Variants in HEATR4 observed in about 807,000 individuals in gnomAD.
HEATR4 encodes the protein HEAT repeat-containing protein 4.
HEATR4 carries 95 observed loss-of-function variants against 108.8 expected under a neutral mutation model. That is an observed-to-expected ratio of 0.87 (90% confidence interval 0.74 to 1.04). The LOEUF (loss-of-function observed/expected upper bound fraction) is 1.04, where lower values mean the gene tolerates loss of function less well. Among genes scored for constraint, HEATR4 ranks in the 50% least tolerant of loss-of-function variants. HEATR4 has a pLI of 0.00. For missense variants in HEATR4, 1,152 were observed against 1,253.8 expected (o/e 0.92, Z 1.23); for synonymous variants, 443 against 459.4 (o/e 0.96, Z 0.46).
chr14:73,588,349 G>A, the HEATR4 span, among the ~76,000 whole-genome samples: 1 of 151,980 alleles, frequency 6.6e-6, no homozygotes, highest in Non-Finnish European at 1.5e-5. Context: ...ATTTCAAAAA[G>A]CCATCAGTAC....
Position 73,519,169 on chromosome 14 carries a change from A to G in HEATR4, c.1070-6T>C. On this transcript the variant is annotated splice_polypyrimidine_tract_variant and splice_region_variant and intron_variant, in intron 4 of 17. Transcript: ENST00000553558. ...GTGGATGATCTGGACTTCATCTGTG[A>G]ACAGACAAAGAAACAATGAGTCCCC... The G allele has an allele frequency of 6.2e-7, 1 of 1,609,720 alleles. No individual in the cohort carries two copies. Among genetic ancestry groups the G allele is most frequent in the Non-Finnish European group, 8.5e-7 (1 of 1,177,790 alleles).
chr14:73,600,877 G>A, the HEATR4 span, among the ~76,000 whole-genome samples: 26 of 152,214 alleles, frequency 1.7e-4, no homozygotes, highest in East Asian at 5.8e-4. Context: ...GCTGGCTCAC[G>A]CCTGTAGTCC....
At chr14:73,589,939 C>T in the HEATR4 span, among the ~76,000 whole-genome samples, 1 of 152,112 alleles carries the variant, frequency 6.6e-6, no homozygotes, top group Non-Finnish European at 1.5e-5. Context: ...GTTGTTCGTT[C>T]CTCCTGGTGA....
At chr14:73,613,776 A>G in the HEATR4 span, among the ~76,000 whole-genome samples, 1 of 152,196 alleles carries the variant, frequency 6.6e-6, no homozygotes, top group African/African-American at 2.4e-5. Context: ...TGTCTGTACT[A>G]CTGAGGTTGA....
At chr14:73,619,606 C>T in the HEATR4 span, 1 of 1,614,192 alleles carries the variant, frequency 6.2e-7, no homozygotes, top group Non-Finnish European at 8.5e-7. Flanking sequence ...GCTACAAGCT[C>T]ATGGGAAAGA....
intron 4 of HEATR4, 55 bp downstream of exon 4, chr14:73,520,797 A>T: frequency 1.3e-6 from 2 of 1,505,044 alleles, no homozygotes; most frequent in Non-Finnish European, 1.8e-6. Flanking sequence ...GCAATCTTCC[A>T]CCTTCCTGGC....
rs1273355680 is a variant in HEATR4 at position 73,544,753 on chromosome 14, A to G, written c.-152+13998T>C. Among the ~76,000 whole-genome samples the G allele has an allele frequency of 1.8e-5, 2 of 113,786 alleles. 1 individual carries two copies. The highest frequency in any genetic ancestry group is 5.7e-5 in the African/African-American group (2 of 35,060). 74.6% of individuals were successfully genotyped at this position (113,786 alleles called of 152,430 possible). On this transcript the variant is annotated intron_variant, in intron 1 of 17. Coordinates refer to ENST00000553558, the MANE Select transcript of HEATR4 (RefSeq NM_001220484.1). Reference sequence around the variant, plus strand: ...GGAGTTCAAGACAAGCCTGGGCAACATGGCAAAACCCCGTCTCTACAAACA... The same window carrying G: ...GGAGTTCAAGACAAGCCTGGGCAACGTGGCAAAACCCCGTCTCTACAAACA...
chr14:73,543,015 C>T lies in HEATR4; in HGVS notation c.-151-12771G>A, dbSNP rs753812124. 1.9e-4 allele frequency: 233 copies of T among 1,240,876 alleles called. 62 individuals carry two copies. Among genetic ancestry groups the T allele is most frequent in the South Asian group, 1.4e-3 (104 of 72,374 alleles). The allele number at this position is 1,240,876 out of a possible 1,614,324, so 76.9% of individuals were successfully genotyped here. On this transcript the variant is annotated intron_variant, in intron 1 of 17. Transcript: ENST00000553558. ...TCACCATATTCCACTGTTTGTGGAG[C>T]CATTCTTCTTCTTTTTCCTTTGTCC...
intron 2 of HEATR4, among the ~76,000 whole-genome samples, chr14:73,524,310 A>AAAAAAAAAAAAATATATATAT: frequency 9.1e-5 from 5 of 54,780 alleles, no homozygotes; most frequent in African/African-American, 4.4e-4. Flanking sequence ...AAAAAAAAAA[A>AAAAAAAAAAAAATATATATAT]ATATATATAT....
At chr14:73,479,484 G>C (rs928955626) in intron 17 of HEATR4, among the ~76,000 whole-genome samples, 2 of 143,388 alleles carry the variant, frequency 1.4e-5, no homozygotes, top group African/African-American at 5.3e-5. Context: ...TGTTGCCCAG[G>C]CTGGGGTGCA....
intron 2 of HEATR4, among the ~76,000 whole-genome samples, chr14:73,528,354 T>C (rs922384192): frequency 1.6e-5 from 2 of 124,632 alleles, no homozygotes; most frequent in Non-Finnish European, 3.1e-5. Context: ...ATCGCGCCAC[T>C]GGACTCCAGC....
intron 2 of HEATR4, among the ~76,000 whole-genome samples, chr14:73,526,346 A>G (rs1324067594): frequency 6.6e-6 from 1 of 152,178 alleles, no homozygotes; most frequent in Non-Finnish European, 1.5e-5. Flanking sequence ...CCCTGAATAC[A>G]TATGAGTGAC....
the HEATR4 span, among the ~76,000 whole-genome samples, chr14:73,579,891 G>A: frequency 6.6e-6 from 1 of 151,952 alleles, no homozygotes; most frequent in African/African-American, 2.4e-5. Flanking sequence ...TCAGAAGTTC[G>A]AGAGCAGCCT....
chr14:73,607,681 T>G, the HEATR4 span, among the ~76,000 whole-genome samples: 1 of 152,072 alleles, frequency 6.6e-6, no homozygotes, highest in African/African-American at 2.4e-5. Flanking sequence ...TGGAGTGCAA[T>G]GGAGCGATCT....
the HEATR4 span, among the ~76,000 whole-genome samples, chr14:73,617,438 G>A: frequency 6.6e-6 from 1 of 152,016 alleles, no homozygotes; most frequent in Non-Finnish European, 1.5e-5. Context: ...AACATTTAGT[G>A]AGACCCCTGT....
chr14:73,571,658 C>G, the HEATR4 span: 2 of 151,344 alleles, frequency 1.3e-5, no homozygotes, highest in African/African-American at 4.9e-5. Flanking sequence ...TGCCAGCACG[C>G]GGTCCCTGTC....
chr14:73,575,385 A>G, the HEATR4 span: 1 of 1,221,906 alleles, frequency 8.2e-7, no homozygotes, highest in Non-Finnish European at 1.1e-6. Flanking sequence ...CTTGGTGGGC[A>G]GTCCTATTAT....
the HEATR4 span, among the ~76,000 whole-genome samples, chr14:73,576,866 GT>G: frequency 2.8e-3 from 197 of 70,568 alleles, 2 homozygotes; most frequent in South Asian, 0.01. Flanking sequence ...CAATAAACTT[GT>G]TTTTTTTTTA....
At chr14:73,597,170 G>A in the HEATR4 span, among the ~76,000 whole-genome samples, 190 of 151,872 alleles carry the variant, frequency 1.3e-3, no homozygotes, top group Middle Eastern at 3.4e-3. Flanking sequence ...TGCAAGCTCC[G>A]CCTCCCAGGT....
Sources: gnomAD v4.1 joint callset for allele counts (sites outside exome capture counted in the v4.1 genomes callset) on GRCh38, gnomAD v4.1.1 for gene constraint, MANE v1.5 for transcripts, NCBI Gene and HGNC (gene_info 2026-07-23, HGNC 2026-07-21) for gene names.